ZNF773: variants seen among roughly 807,000 people sequenced by gnomAD.
The protein encoded by ZNF773 is zinc finger protein 773, also known as zinc finger protein 419B.
In ZNF773, 11 loss-of-function variants were observed where a neutral mutation model predicts 12.8. That is an observed-to-expected ratio of 0.86 (90% CI 0.54 to 1.42). The LOEUF (loss-of-function observed/expected upper bound fraction) is 1.42. Among genes scored for constraint, ZNF773 ranks in the 40% most tolerant of loss-of-function variants. The pLI, the probability that ZNF773 is intolerant of heterozygous loss-of-function variation, is 0.00. For synonymous variants in ZNF773, 175 were observed against 178.4 expected, an observed-to-expected ratio of 0.98 and a Z score of 0.15; for missense variants, 518 against 527.2, an observed-to-expected ratio of 0.98 and a Z score of 0.17.
At chr19:57,516,237 T>G (rs2089831421), downstream of ZNF773, 1 of 155,670 alleles carries the variant, frequency 6.4e-6, no homozygotes, top group Admixed American at 6.5e-5. Flanking sequence ...CCCCATAAAA[T>G]GGGGACAGCT....
At chr19:57,512,399 TA>T (rs559275466), downstream of ZNF773, among the ~76,000 whole-genome samples, 1 of 121,618 alleles carries the variant, frequency 8.2e-6, no homozygotes, top group Non-Finnish European at 1.7e-5. Context: ...CAAGATGCAG[TA>T]TTTTTTTTTT....
chr19:57,517,254 A>G (rs2089837592), downstream of ZNF773: 1 of 152,206 alleles, frequency 6.6e-6, no homozygotes, highest in South Asian at 2.1e-4. Flanking sequence ...TGCCTTAATC[A>G]TAGCACAATA....
chr19:57,509,738 GAGA>G (rs2089780757), downstream of ZNF773, among the ~76,000 whole-genome samples: 2 of 152,144 alleles, frequency 1.3e-5, no homozygotes, highest in Admixed American at 1.3e-4. Context: ...GAGTCTCATG[GAGA>G]ATCTGTTTCT....
At position 57,506,807 on chromosome 19, in the gene ZNF773, C is replaced by G; in HGVS notation, c.712C>G (p.Gln238Glu). ...CCATAAGTCCAACCTTTTTATACAC[C>G]AAATAGTTCACACTGGAGAAAGGCC... ...FSHKSNLFIH[Q>E]IVHTGERPYG... Residue 238 changes from glutamine (Q) to glutamate (E), a missense_variant, in exon 4 of 4, where the codon CAA (glutamine) becomes GAA (glutamate). Coordinates refer to ENST00000282292, the MANE Select transcript of ZNF773 (RefSeq NM_198542.3). The G allele has an allele frequency of 6.2e-7, 1 of 1,614,162 alleles. No individual in the cohort carries two copies. The highest frequency in any genetic ancestry group is 8.5e-7 in the Non-Finnish European group (1 of 1,180,028).
intron 3 of ZNF773, among the ~76,000 whole-genome samples, chr19:57,505,757 C>T (rs1343566561): frequency 2.1e-5 from 3 of 140,610 alleles, no homozygotes; most frequent in Admixed American, 7.4e-5. Context: ...GTCGCCTAGG[C>T]TGGAGGGCAG....
rs777772817 is a variant in ZNF773, at chr19:57,506,745, A to G, written c.650A>G (p.Lys217Arg). 1 of 1,614,216 alleles carries G rather than the reference A, an allele frequency of 6.2e-7. No individual in the cohort carries two copies. The highest frequency in any genetic ancestry group is 1.1e-5 in the South Asian group (1 of 91,084). ...CACCAGAGACTGCACACTGGGGAAAAGCCTTATGAATGCAGTGAATGTGGG... is the reference window on the plus strand; with the variant it reads ...CACCAGAGACTGCACACTGGGGAAAGGCCTTATGAATGCAGTGAATGTGGG... The part of the protein sequence containing the change: ...VQHQRLHTGE[K>R]PYECSECGKL... Residue 217 changes from lysine to arginine, a missense_variant, in exon 4 of 4, where the codon AAG becomes AGG. Physicochemically the swap from Lys to Arg is conservative, Grantham distance 26 (BLOSUM62 2). Coordinates refer to ENST00000282292, the MANE Select transcript of ZNF773 (RefSeq NM_198542.3).
chr19:57,509,013 T>C (rs767441752), downstream of ZNF773, among the ~76,000 whole-genome samples: 10 of 152,206 alleles, frequency 6.6e-5, no homozygotes, highest in Non-Finnish European at 1.3e-4. Flanking sequence ...TTACATAGAC[T>C]AGTCTCTAAC....
Position 57,507,303 on chromosome 19 carries a change from T to C in ZNF773, c.1208T>C (p.Val403Ala), listed in dbSNP as rs2089751576. ...TTCTTTAGTGAGAATTCCAGCCTTG[T>C]TAAACATCAGAGGGTTCACACTGGA... ...GRFFSENSSL[V>A]KHQRVHTGAK... Residue 403 changes from valine to alanine, a missense_variant, in exon 4 of 4, where the codon GTT becomes GCT. By Grantham distance (64) the Val-to-Ala change is moderately conservative. Coordinates refer to ENST00000282292, the MANE Select transcript of ZNF773 (RefSeq NM_198542.3). 1 of 1,614,226 alleles carries C rather than the reference T, an allele frequency of 6.2e-7. No homozygotes were observed. Among genetic ancestry groups the C allele is most frequent in the Non-Finnish European group, 8.5e-7 (1 of 1,180,028 alleles).
intron 1 of ZNF773, among the ~76,000 whole-genome samples, chr19:57,501,921 G>C (rs1414908885): frequency 2.6e-5 from 4 of 152,244 alleles, no homozygotes; most frequent in African/African-American, 7.2e-5. Context: ...TCAGGGTCCT[G>C]AGTCCAGACT....
chr19:57,508,404 GT>G, downstream of ZNF773: 1 of 632,670 alleles, frequency 1.6e-6, no homozygotes, highest in Non-Finnish European at 2.8e-6. Context: ...CGATTCAGAT[GT>G]TACTCACTTT....
At chr19:57,510,685 T>A (rs2089787550), downstream of ZNF773, among the ~76,000 whole-genome samples, 1 of 152,206 alleles carries the variant, frequency 6.6e-6, no homozygotes, top group Admixed American at 6.5e-5. Flanking sequence ...TATATATCAC[T>A]ATTCTAAGTT....
At position 57,507,645 on chromosome 19, in the gene ZNF773, G is replaced by A. The variant is rs1483946958; in HGVS notation, c.*221G>A. 1 of 1,358,468 alleles carries A rather than the reference G, an allele frequency of 7.4e-7. No individual in the cohort carries two copies. Among genetic ancestry groups the A allele is most frequent in the Non-Finnish European group, 9.4e-7 (1 of 1,063,684 alleles). The allele number at this position is 1,358,468 out of a possible 1,614,324, so 84.2% of individuals were successfully genotyped here. A position where few individuals can be genotyped will look rare whatever the true frequency, so the allele number is the denominator to read the frequency against. On this transcript the variant is annotated 3_prime_UTR_variant, in exon 4 of 4. Coordinates refer to ENST00000282292, the MANE Select transcript of ZNF773 (RefSeq NM_198542.3). ...ACCAGAAAGTTTAGACTGGAGAAAGGCCTTAGACTGTCGCTGAATCAATAT... is the reference window on the plus strand; with the variant it reads ...ACCAGAAAGTTTAGACTGGAGAAAGACCTTAGACTGTCGCTGAATCAATAT...
At chr19:57,502,677 GT>G (rs1044770620) in intron 1 of ZNF773, among the ~76,000 whole-genome samples, 2 of 151,644 alleles carry the variant, frequency 1.3e-5, no homozygotes, top group Admixed American at 6.6e-5. Context: ...TGAAGTCTGC[GT>G]TTTTTTTGTT....
chr19:57,513,519 A>T (rs971876504), downstream of ZNF773: 1 of 152,686 alleles, frequency 6.5e-6, no homozygotes, highest in African/African-American at 2.4e-5. Flanking sequence ...TCCTATATCA[A>T]TAACTGGGCA....
chr19:57,505,193 A>G (rs551827601), intron 2 of ZNF773, 109 bp from the exon 3 acceptor site: 1 of 1,430,190 alleles, frequency 7.0e-7, no homozygotes, highest in East Asian at 2.3e-5. Flanking sequence ...TGTTCCTGCA[A>G]GACCCTCCTC....
intron 1 of ZNF773, 139 bp from the exon 2 acceptor site, chr19:57,504,518 G>A: frequency 3.2e-6 from 4 of 1,240,638 alleles, no homozygotes; most frequent in Non-Finnish European, 4.5e-6. Context: ...AGGAGAGAGT[G>A]GGCATCAGTG....
chr19:57,501,281 C>CT (rs11456589), intron 1 of ZNF773, among the ~76,000 whole-genome samples: 77,339 of 137,430 alleles, frequency 0.56, 21,818 homozygotes, highest in East Asian at 0.71. Flanking sequence ...CTTTTTCTTT[C>CT]TTTTTTTTTT....
At chr19:57,513,968 A>G (rs2123287573), downstream of ZNF773, 1 of 152,346 alleles carries the variant, frequency 6.6e-6, no homozygotes, top group Non-Finnish European at 1.5e-5. Flanking sequence ...CTGTTAATCA[A>G]AGGGAGCCTG....
chr19:57,514,677 T>G (rs1055212770), downstream of ZNF773: 9 of 152,342 alleles, frequency 5.9e-5, no homozygotes, highest in Admixed American at 5.2e-4. Context: ...ATTACTCAAC[T>G]TATAACAATA....
Sources: allele counts gnomAD v4.1 joint callset (sites outside exome capture counted in the v4.1 genomes callset), GRCh38; gene constraint gnomAD v4.1.1; transcripts MANE v1.5; gene names NCBI Gene and HGNC (gene_info 2026-07-23, HGNC 2026-07-21).